The following PKIG variants were observed in gnomAD, a reference collection of about 807,000 sequenced individuals.
The protein encoded by PKIG is protein kinase (cAMP-dependent, catalytic) inhibitor gamma.
A neutral mutation model predicts 6.8 loss-of-function variants in PKIG; 1 was observed. That is an observed-to-expected ratio of 0.15 (90% CI 0.05 to 0.69). The LOEUF (loss-of-function observed/expected upper bound fraction) is 0.69, where lower values mean the gene tolerates loss of function less well. Among genes scored for constraint, PKIG ranks in the 30% least tolerant of loss-of-function variants. The pLI is 0.82. For missense variants in PKIG, 77 were observed against 104.0 expected (o/e 0.74, Z 1.13); for synonymous variants, 39 against 43.0 (o/e 0.91, Z 0.36).
intron 2 of PKIG, among the ~76,000 whole-genome samples, chr20:44,603,583 C>G (rs570801628): frequency 6.6e-6 from 1 of 152,084 alleles, no homozygotes; most frequent in African/African-American, 2.4e-5. Context: ...AGCTCTGGAC[C>G]GGGAGTTAGG....
chr20:44,618,126 T>C (rs767507641), intron 3 of PKIG, among the ~76,000 whole-genome samples, 159 bp from the exon 4 acceptor site: 1 of 149,314 alleles, frequency 6.7e-6, no homozygotes, highest in Non-Finnish European at 1.5e-5. Context: ...CAGACCAGGC[T>C]AAAGTCCATA....
intron 2 of PKIG, among the ~76,000 whole-genome samples, chr20:44,613,799 C>T (rs976740099): frequency 5.9e-5 from 9 of 152,176 alleles, no homozygotes; most frequent in Admixed American, 1.3e-4. Context: ...TGAAAATGCA[C>T]GGCTGCTACT....
chr20:44,618,634 C>T lies in PKIG; in HGVS notation c.*270C>T, dbSNP rs1033121017. On this transcript the variant is annotated 3_prime_UTR_variant, in exon 4 of 4. Transcript: ENST00000372886. ...CACAAGATGTTATTTATTGAGCTGG[C>T]GCCGGGACTTGGGCGGGGCCTGCCC... is the stretch of plus-strand genomic sequence containing the variant. 10 of 380,372 alleles carry T rather than the reference C, an allele frequency of 2.6e-5. No homozygotes were observed. The highest frequency in any genetic ancestry group is 1.2e-4 in the Admixed American group (3 of 25,612). 23.6% of individuals were successfully genotyped at this position (380,372 alleles called of 1,614,324 possible).
chr20:44,560,249 CTAAA>C (rs56359005), intron 1 of PKIG, among the ~76,000 whole-genome samples: 5,243 of 149,236 alleles, frequency 0.035, 216 homozygotes, highest in African/African-American at 0.1. Flanking sequence ...GACCTTGTCT[CTAAA>C]TAAATAAATA....
At chr20:44,575,288 G>A (rs1178457896) in intron 1 of PKIG, among the ~76,000 whole-genome samples, 2 of 152,152 alleles carry the variant, frequency 1.3e-5, no homozygotes, top group African/African-American at 4.8e-5. Context: ...GCATGATCTC[G>A]GCTCACTGCA....
At chr20:44,616,917 G>A (rs574923367) in intron 3 of PKIG, among the ~76,000 whole-genome samples, 2 of 152,334 alleles carry the variant, frequency 1.3e-5, no homozygotes, top group South Asian at 2.1e-4. Context: ...CTAGCTTGCC[G>A]CAGGGGCACA....
At chr20:44,607,866 A>G (rs2123454345) in intron 2 of PKIG, among the ~76,000 whole-genome samples, 1 of 151,972 alleles carries the variant, frequency 6.6e-6, no homozygotes, top group African/African-American at 2.4e-5. Flanking sequence ...TTGCATTTTT[A>G]GTAGAGACGG....
intron 1 of PKIG, among the ~76,000 whole-genome samples, chr20:44,544,921 C>CTTTT (rs1568803959): frequency 5.9e-5 from 5 of 84,868 alleles, no homozygotes; most frequent in African/African-American, 1.1e-4. Flanking sequence ...TTCCTTCCTT[C>CTTTT]TTTCTTTTTT....
intron 2 of PKIG, among the ~76,000 whole-genome samples, chr20:44,603,860 A>G (rs962318855): frequency 1.1e-4 from 17 of 152,236 alleles, no homozygotes; most frequent in African/African-American, 3.1e-4. Context: ...GTGTTAGGGC[A>G]TATTAGTAAT....
intron 2 of PKIG, among the ~76,000 whole-genome samples, chr20:44,598,243 T>G (rs1299501110): frequency 6.6e-6 from 1 of 152,162 alleles, no homozygotes; most frequent in African/African-American, 2.4e-5. Context: ...GAGGCAGGTT[T>G]CCCCAGAGAG....
chr20:44,615,422 T>G (rs1473260111), intron 3 of PKIG, among the ~76,000 whole-genome samples: 1 of 152,236 alleles, frequency 6.6e-6, no homozygotes, highest in Non-Finnish European at 1.5e-5. Context: ...GGCCTTGCAT[T>G]CTGTTTGGCA....
chr20:44,568,007 A>G (rs1291597705), intron 1 of PKIG, among the ~76,000 whole-genome samples: 2 of 152,194 alleles, frequency 1.3e-5, no homozygotes, highest in African/African-American at 4.8e-5. Context: ...TGAGCTAGGC[A>G]TGGTGGCGCA....
intron 1 of PKIG, among the ~76,000 whole-genome samples, chr20:44,585,575 A>T (rs189797259): frequency 1.3e-5 from 2 of 152,220 alleles, no homozygotes; most frequent in Admixed American, 1.3e-4. Flanking sequence ...TGAGTTCCCA[A>T]TGAGAACTGG....
At chr20:44,604,043 G>A (rs978478515) in intron 2 of PKIG, among the ~76,000 whole-genome samples, 1 of 152,022 alleles carries the variant, frequency 6.6e-6, no homozygotes, top group Admixed American at 6.6e-5. Flanking sequence ...TGGGGGTGGT[G>A]AGGAATAAGT....
Position 44,574,558 on chromosome 20 carries a change from TG to T in PKIG, c.-240-8026del, listed in dbSNP as rs1250840854. Among the ~76,000 whole-genome samples the T allele has an allele frequency of 9.9e-5, 15 of 151,428 alleles. 1 individual carries two copies. The highest frequency in any genetic ancestry group is 2.1e-4 in the South Asian group (1 of 4,782). ...CATTTTATCAGTAATTACTTCAGCA[TG>T]TTTTTTTTGTTTTTGTTTTTGTTTT... On this transcript the variant is annotated intron_variant, in intron 1 of 4. Coordinates refer to the PKIG transcript ENST00000372887.
At chr20:44,575,914 T>TG (rs1381106870) in intron 1 of PKIG, among the ~76,000 whole-genome samples, 1 of 152,152 alleles carries the variant, frequency 6.6e-6, no homozygotes, top group Non-Finnish European at 1.5e-5. Context: ...AGAGCCTCCC[T>TG]GGGGTCCCAC....
At chr20:44,598,840 C>T (rs1482401211) in intron 2 of PKIG, 2 of 152,124 alleles carry the variant, frequency 1.3e-5, no homozygotes, top group African/African-American at 4.8e-5. Context: ...AGCCCTGGCC[C>T]TGTGTGAAGT....
intron 1 of PKIG, among the ~76,000 whole-genome samples, chr20:44,564,855 CT>C (rs1414386880): frequency 2.0e-5 from 3 of 152,164 alleles, no homozygotes; most frequent in African/African-American, 7.2e-5. Context: ...GAAAACAGAC[CT>C]TCATGATCAT....
chr20:44,532,723 A>G (rs1298910917), intron 1 of PKIG, among the ~76,000 whole-genome samples: 1 of 152,238 alleles, frequency 6.6e-6, no homozygotes, highest in African/African-American at 2.4e-5. Flanking sequence ...GAGAGATGCC[A>G]AAAGAAGGTG....
Sources: allele counts gnomAD v4.1 joint callset (sites outside exome capture counted in the v4.1 genomes callset), GRCh38; gene constraint gnomAD v4.1.1; transcripts MANE v1.5; gene names NCBI Gene and HGNC (gene_info 2026-07-23, HGNC 2026-07-21).